TACR1: variants seen among roughly 807,000 people sequenced by gnomAD.
The protein encoded by TACR1 is substance-P receptor.
In TACR1, 25 loss-of-function variants were observed where a neutral mutation model predicts 35.8. That is an observed-to-expected ratio of 0.70 (90% CI 0.51 to 0.98). TACR1 has a LOEUF of 0.98. Ranked by LOEUF, TACR1 falls within the 50% of genes least tolerant of loss-of-function variation. The pLI, the probability that TACR1 is intolerant of heterozygous loss-of-function variation, is 0.00. For synonymous variants in TACR1, 195 were observed against 206.7 expected (o/e 0.94, Z 0.48); for missense variants, 478 against 522.9 (o/e 0.91, Z 0.84).
intron 1 of TACR1, among the ~76,000 whole-genome samples, chr2:75,163,830 T>C (rs1675071729): frequency 6.6e-6 from 1 of 152,204 alleles, no homozygotes; most frequent in African/African-American, 2.4e-5. Context: ...GATTTAGTCA[T>C]TTGATTCAAT....
rs1203612862 is a variant in TACR1, at chr2:75,120,677, G to T, written c.481C>A (p.Leu161Met). 6.2e-7 allele frequency: 1 copy of T among 1,614,114 alleles called. No homozygotes were observed. Among genetic ancestry groups the T allele is most frequent in the East Asian group, 2.2e-5 (1 of 44,870 alleles). Reference protein sequence around the residue: ...ICVIWVLALLLAFPQGYYSTT... With the variant: ...ICVIWVLALLMAFPQGYYSTT... ...GAGTAGTAGCCCTGGGGGAAGGCCA[G>T]CAGGAGAGCCAGGACCCAGATGACA... The change falls in exon 2 of 5, where the codon CTG becomes ATG. Residue 161 changes from leucine (L) to methionine (M), a missense_variant. Coordinates refer to ENST00000305249, the MANE Select transcript of TACR1 (RefSeq NM_001058.4).
At chr2:75,151,687 C>T (rs4542880) in intron 1 of TACR1, among the ~76,000 whole-genome samples, 1 of 152,194 alleles carries the variant, frequency 6.6e-6, no homozygotes, top group Non-Finnish European at 1.5e-5. Context: ...CCTACTGGGA[C>T]ACTGCCTAGT....
intron 1 of TACR1, among the ~76,000 whole-genome samples, chr2:75,139,872 A>G (rs900739421): frequency 6.6e-6 from 1 of 152,202 alleles, no homozygotes; most frequent in African/African-American, 2.4e-5. Context: ...AAGATTAGAC[A>G]TCAGGTAATG....
chr2:75,170,025 T>A (rs915524359), intron 1 of TACR1, among the ~76,000 whole-genome samples: 1 of 152,240 alleles, frequency 6.6e-6, no homozygotes, highest in African/African-American at 2.4e-5. Flanking sequence ...CAGACCCTTT[T>A]GATTTTCTTA....
intron 2 of TACR1, among the ~76,000 whole-genome samples, chr2:75,103,220 G>C (rs1272997585): frequency 1.3e-5 from 2 of 152,072 alleles, no homozygotes; most frequent in African/African-American, 2.4e-5. Context: ...AAGAAACCAG[G>C]GCTTCTTAGA....
At position 75,199,065 on chromosome 2, in the gene TACR1, C is replaced by A. The variant is rs202084744; in HGVS notation, c.-131G>T. On this transcript the variant is annotated 5_prime_UTR_variant, in exon 1 of 5. Transcript: ENST00000305249. The stretch of plus-strand genomic sequence containing the variant: ...AGGGTGGAAGGCTTTTTCTGGGCAG[C>A]ACTCTTTTTGAAAGCTGAACTGGCG... The A allele has an allele frequency of 4.2e-6, 5 of 1,181,752 alleles. No homozygotes were observed. The South Asian group carries it at 8.1e-5, about 19-fold the overall frequency. The allele number at this position is 1,181,752 out of a possible 1,614,324, so 73.2% of individuals were successfully genotyped here. A position where few individuals can be genotyped will look rare whatever the true frequency, so the allele number is the denominator to read the frequency against.
At chr2:75,077,160 G>C (rs1399893311) in intron 2 of TACR1, among the ~76,000 whole-genome samples, 1 of 152,122 alleles carries the variant, frequency 6.6e-6, no homozygotes, top group Non-Finnish European at 1.5e-5. Context: ...AGTAGAGATG[G>C]GGTTTCTCCA....
chr2:75,110,202 A>G (rs757648395), intron 2 of TACR1, among the ~76,000 whole-genome samples: 1 of 152,106 alleles, frequency 6.6e-6, no homozygotes, highest in Non-Finnish European at 1.5e-5. Context: ...TTGGAAGACC[A>G]TGGAACAGTG....
chr2:75,131,225 A>G (rs1329242722), intron 1 of TACR1, among the ~76,000 whole-genome samples: 1 of 151,800 alleles, frequency 6.6e-6, no homozygotes, highest in South Asian at 2.1e-4. Flanking sequence ...AGTAGCTGGG[A>G]CTACAGGTGC....
chr2:75,068,757 G>A lies in TACR1; in HGVS notation c.585-15002C>T, dbSNP rs151312233. 3.0e-4 allele frequency among the ~76,000 whole-genome samples: 46 copies of A among 152,236 alleles called. No individual in the cohort carries two copies. In the East Asian group the frequency reaches 8.9e-3, roughly 29 times the overall value. On this transcript the variant is annotated intron_variant, in intron 2 of 4. Transcript: ENST00000305249. ...ACTCACAGAGACTATTGGGTAAATA[G>A]CACCCCCTTGAGTTGTGCAATCCAC... is the stretch of plus-strand genomic sequence containing the variant.
Position 75,061,166 on chromosome 2 carries a change from C to G in TACR1, c.585-7411G>C, listed in dbSNP as rs764142156. ...GAGAAGAGAGGAGGTCCACATCTTG[C>G]GGTTGGGGGCAATTCCAGGGGAGAG... On this transcript the variant is annotated intron_variant, in intron 2 of 4. Coordinates refer to ENST00000305249, the MANE Select transcript of TACR1 (RefSeq NM_001058.4). Among the ~76,000 whole-genome samples the G allele has an allele frequency of 9.9e-4, 133 of 134,246 alleles. 2 individuals carry two copies. Among genetic ancestry groups the G allele is most frequent in the African/African-American group, 3.4e-3 (120 of 35,408 alleles). 88.1% of individuals were successfully genotyped at this position (134,246 alleles called of 152,430 possible).
intron 2 of TACR1, among the ~76,000 whole-genome samples, chr2:75,079,086 C>T (rs1469766351): frequency 6.6e-6 from 1 of 152,104 alleles, no homozygotes; most frequent in Non-Finnish European, 1.5e-5. Flanking sequence ...CATTAATTTC[C>T]AGGAGTAATT....
At chr2:75,191,919 A>C (rs1291549780) in intron 1 of TACR1, among the ~76,000 whole-genome samples, 2 of 152,160 alleles carry the variant, frequency 1.3e-5, no homozygotes, top group Admixed American at 6.5e-5. Flanking sequence ...CCCTGTTTTC[A>C]TGGAGCTTGC....
At chr2:75,164,695 T>A (rs537935947) in intron 1 of TACR1, among the ~76,000 whole-genome samples, 27 of 152,320 alleles carry the variant, frequency 1.8e-4, no homozygotes, top group African/African-American at 6.3e-4. Flanking sequence ...ATTGATTTCA[T>A]GAAGCAGAGT....
intron 1 of TACR1, among the ~76,000 whole-genome samples, chr2:75,138,671 G>A (rs1674344298): frequency 6.6e-6 from 1 of 152,130 alleles, no homozygotes; most frequent in African/African-American, 2.4e-5. Flanking sequence ...GTCAAGGACT[G>A]GGGGATCTGC....
rs550135429 is a variant in TACR1 at position 75,104,329 on chromosome 2, C to G, written c.584+16245G>C. Among the ~76,000 whole-genome samples the G allele has an allele frequency of 7.2e-5, 11 of 151,990 alleles. No individual in the cohort carries two copies. The East Asian group carries it at 2.1e-3, about 29-fold the overall frequency. Reference sequence around the variant, plus strand: ...TATAATTATATAATGATAAAGGGGTCAATTCATCAAGAGAATATAACAATT... The same window carrying G: ...TATAATTATATAATGATAAAGGGGTGAATTCATCAAGAGAATATAACAATT... On this transcript the variant is annotated intron_variant, in intron 2 of 4. Coordinates refer to ENST00000305249, the MANE Select transcript of TACR1 (RefSeq NM_001058.4).
At chr2:75,132,885 C>T (rs572971458) in intron 1 of TACR1, among the ~76,000 whole-genome samples, 1 of 152,296 alleles carries the variant, frequency 6.6e-6, no homozygotes, top group Admixed American at 6.5e-5. Flanking sequence ...TACGAACTCT[C>T]AGAAGAGATT....
At chr2:75,160,158 C>T (rs980166439) in intron 1 of TACR1, among the ~76,000 whole-genome samples, 1 of 151,134 alleles carries the variant, frequency 6.6e-6, no homozygotes, top group African/African-American at 2.4e-5. Context: ...GCCAGGGGAA[C>T]AAAATTAAAA....
chr2:75,120,253 G>A (rs917360339), intron 2 of TACR1, among the ~76,000 whole-genome samples: 1 of 152,110 alleles, frequency 6.6e-6, no homozygotes, highest in African/African-American at 2.4e-5. Context: ...TTAGGAAAAA[G>A]TTCCTAGGCA....
Sources: gnomAD v4.1 joint callset for allele counts (sites outside exome capture counted in the v4.1 genomes callset) on GRCh38, gnomAD v4.1.1 for gene constraint, MANE v1.5 for transcripts, NCBI Gene and HGNC (gene_info 2026-07-23, HGNC 2026-07-21) for gene names.